Variants in MYO3A observed in about 807,000 individuals in gnomAD.
MYO3A encodes the protein myosin IIIA.
Under a neutral mutation model 192.7 loss-of-function variants are expected in MYO3A, and 180 were observed. The ratio of observed to expected loss-of-function variants is 0.93; its 90% confidence interval spans 0.83 to 1.06. The LOEUF (loss-of-function observed/expected upper bound fraction) is 1.06. Among genes scored for constraint, MYO3A ranks in the 50% least tolerant of loss-of-function variants. The pLI is 0.00. For synonymous variants in MYO3A, 628 were observed against 645.3 expected (o/e 0.97, Z 0.41); for missense variants, 1,896 against 1,905.0 (o/e 1.00, Z 0.09).
chr10:26,027,907 T>C (rs946253916), intron 10 of MYO3A, among the ~76,000 whole-genome samples: 3 of 152,190 alleles, frequency 2.0e-5, no homozygotes, highest in Non-Finnish European at 2.9e-5. Context: ...ACTGTTTTCT[T>C]AAGATAAATT....
chr10:26,090,705 C>T (rs1267327742), intron 15 of MYO3A, among the ~76,000 whole-genome samples: 1 of 152,178 alleles, frequency 6.6e-6, no homozygotes, highest in Non-Finnish European at 1.5e-5. Flanking sequence ...GGTACATTTA[C>T]AAATTATAAA....
chr10:26,035,833 T>C (rs1843002421), intron 10 of MYO3A, among the ~76,000 whole-genome samples: 1 of 152,190 alleles, frequency 6.6e-6, no homozygotes, highest in African/African-American at 2.4e-5. Context: ...CAATGGGCAT[T>C]TACACTTAAA....
intron 2 of MYO3A, among the ~76,000 whole-genome samples, chr10:25,949,441 C>T (rs1755606396): frequency 2.0e-5 from 3 of 152,048 alleles, no homozygotes; most frequent in South Asian, 2.1e-4. Context: ...TTTGGTCTAA[C>T]GTTTATGTTA....
intron 31 of MYO3A, among the ~76,000 whole-genome samples, chr10:26,180,026 G>A (rs1842545930): frequency 6.6e-6 from 1 of 151,964 alleles, no homozygotes; most frequent in Non-Finnish European, 1.5e-5. Context: ...GTAGAGATGG[G>A]GTTTCACCAT....
chr10:26,145,198 AC>A (rs1405344909), intron 21 of MYO3A, among the ~76,000 whole-genome samples: 34 of 145,790 alleles, frequency 2.3e-4, no homozygotes, highest in Non-Finnish European at 4.5e-4. Flanking sequence ...AAAAAAAAAA[AC>A]CCTCAAGGTG....
chr10:25,992,778 A>G (rs1383209723), intron 4 of MYO3A, among the ~76,000 whole-genome samples: 2 of 152,108 alleles, frequency 1.3e-5, no homozygotes, highest in Non-Finnish European at 2.9e-5. Context: ...TGTGGTTTTT[A>G]TCTTTGGTTC....
Position 26,190,405 on chromosome 10 carries a change from G to A in MYO3A, c.4439-2800G>A, listed in dbSNP as rs574331317. On this transcript the variant is annotated intron_variant, in intron 31 of 34. Transcript: ENST00000642920. ...TTAGATGGAGAAGAATGATGACTGCGGGTTCATTTGAGTCTGAGAGAGAAG... is the reference window on the plus strand; with the variant it reads ...TTAGATGGAGAAGAATGATGACTGCAGGTTCATTTGAGTCTGAGAGAGAAG... 7.2e-5 allele frequency among the ~76,000 whole-genome samples: 11 copies of A among 152,282 alleles called. No individual in the cohort carries two copies. In the South Asian group the frequency reaches 1.7e-3, roughly 23 times the overall value.
intron 2 of MYO3A, among the ~76,000 whole-genome samples, chr10:25,947,395 T>TC (rs1278986773): frequency 7.0e-6 from 1 of 143,382 alleles, no homozygotes; most frequent in African/African-American, 2.6e-5. Context: ...TTTTCTTTTT[T>TC]TTTTTTTTTT....
chr10:26,129,177 T>C (rs1352287521), intron 20 of MYO3A, among the ~76,000 whole-genome samples: 5 of 152,224 alleles, frequency 3.3e-5, no homozygotes, highest in Admixed American at 2.6e-4. Context: ...TCAAGTAATA[T>C]TATATTGTTT....
intron 2 of MYO3A, among the ~76,000 whole-genome samples, chr10:25,939,093 C>CT (rs1836305921): frequency 6.6e-6 from 1 of 152,070 alleles, no homozygotes; most frequent in Admixed American, 6.5e-5. Flanking sequence ...AGAAAAATAG[C>CT]TTTTTTCTTT....
rs1269937138 is a variant in MYO3A at position 26,187,720 on chromosome 10, C to T, written c.4439-5485C>T. ...TGTGTTCTCATTGTTCAATTCCCAC[C>T]TGTGAGTGAGAACATGCAGTGTTTG... is the stretch of plus-strand genomic sequence containing the variant. On this transcript the variant is annotated intron_variant, in intron 31 of 34. Transcript: ENST00000642920. 2.0e-5 allele frequency among the ~76,000 whole-genome samples: 3 copies of T among 147,080 alleles called. No individual in the cohort carries two copies. In the Admixed American group the frequency reaches 2.1e-4, roughly 10 times the overall value.
intron 22 of MYO3A, among the ~76,000 whole-genome samples, chr10:26,146,823 G>A (rs981033926): frequency 5.3e-5 from 8 of 150,758 alleles, no homozygotes; most frequent in African/African-American, 1.7e-4. Flanking sequence ...TTAAAAAGTC[G>A]TAAAATTGGC....
intron 17 of MYO3A, among the ~76,000 whole-genome samples, chr10:26,119,034 C>T (rs979647861): frequency 6.6e-6 from 1 of 152,144 alleles, no homozygotes. Flanking sequence ...CCTCTTCCAG[C>T]CCTCGTATGT....
In MYO3A at chr10:26,143,437, C is replaced by A. The variant is rs1413715238; in HGVS notation, c.2263-11C>A. On this transcript the variant is annotated splice_polypyrimidine_tract_variant and intron_variant, in intron 20 of 34. Transcript: ENST00000642920. The stretch of plus-strand genomic sequence containing the variant: ...TATTCACAGTTTTAAGTGGTTTTGT[C>A]TTTATTATAGAATGAATACCTAAAT... 6.2e-7 allele frequency: 1 copy of A among 1,605,902 alleles called. No homozygotes were observed. The highest frequency in any genetic ancestry group is 1.7e-5 in the Admixed American group (1 of 59,948).
intron 34 of MYO3A, chr10:26,204,629 G>C (rs1436680130): frequency 6.6e-6 from 1 of 152,200 alleles, no homozygotes; most frequent in Non-Finnish European, 1.5e-5. Context: ...ACAAAGTTTA[G>C]TGACTGCAAA....
intron 31 of MYO3A, among the ~76,000 whole-genome samples, chr10:26,183,766 G>A (rs989065760): frequency 6.6e-6 from 1 of 152,072 alleles, no homozygotes; most frequent in African/African-American, 2.4e-5. Context: ...CTCTTGAGAA[G>A]GTCAGAGAAG....
chr10:26,109,071 A>G (rs140990415), intron 17 of MYO3A, among the ~76,000 whole-genome samples: 2 of 152,330 alleles, frequency 1.3e-5, no homozygotes, highest in African/African-American at 4.8e-5. Flanking sequence ...TGGAATTCCA[A>G]TTGTTTAGTT....
At chr10:25,937,320 C>T (rs1836150885) in intron 2 of MYO3A, among the ~76,000 whole-genome samples, 2 of 152,240 alleles carry the variant, frequency 1.3e-5, no homozygotes, top group African/African-American at 4.8e-5. Context: ...TTTTACCTCC[C>T]TCACTCCTGC....
intron 10 of MYO3A, among the ~76,000 whole-genome samples, chr10:26,037,612 G>T (rs1843108113): frequency 6.6e-6 from 1 of 152,106 alleles, no homozygotes; most frequent in African/African-American, 2.4e-5. Context: ...CCCACTGTAT[G>T]GTCTTGGCAC....
Sources: allele counts gnomAD v4.1 joint callset (sites outside exome capture counted in the v4.1 genomes callset), GRCh38; gene constraint gnomAD v4.1.1; transcripts MANE v1.5; gene names NCBI Gene and HGNC (gene_info 2026-07-23, HGNC 2026-07-21).